The following CDK6 variants were observed in gnomAD, a reference collection of about 807,000 sequenced individuals.
The protein encoded by CDK6 is cyclin-dependent kinase 6.
CDK6 carries 6 observed loss-of-function variants against 37.1 expected under a neutral mutation model. That is an observed-to-expected ratio of 0.16 (90% CI 0.09 to 0.32). The LOEUF is 0.32. Ranked by LOEUF, CDK6 falls within the 10% of genes least tolerant of loss-of-function variation. CDK6 has a pLI of 1.00. For synonymous variants in CDK6, 160 were observed against 161.3 expected, an observed-to-expected ratio of 0.99 and a Z score of 0.06; for missense variants, 224 against 418.9, an observed-to-expected ratio of 0.53 and a Z score of 4.06.
intron 7 of CDK6, among the ~76,000 whole-genome samples, 163 bp from the exon 8 acceptor site, chr7:92,615,449 T>G (rs1488353423): frequency 6.6e-6 from 1 of 152,230 alleles, no homozygotes. Flanking sequence ...AGTACTCATA[T>G]ATATCCCTAA....
chr7:92,825,741 G>T (rs754433896), intron 2 of CDK6, among the ~76,000 whole-genome samples: 22 of 152,240 alleles, frequency 1.4e-4, no homozygotes, highest in Non-Finnish European at 2.9e-4. Flanking sequence ...AAAAATAAAA[G>T]AACTCAAGCA....
At chr7:92,740,223 C>T (rs1798887350) in intron 3 of CDK6, among the ~76,000 whole-genome samples, 1 of 152,218 alleles carries the variant, frequency 6.6e-6, no homozygotes. Flanking sequence ...TTACTATGCT[C>T]TGAGGGTAAC....
rs1171968532 is a variant in CDK6, at chr7:92,604,987, A to G, written c.*10153T>C. 2.2e-5 allele frequency: 5 copies of G among 225,264 alleles called. No homozygotes were observed. Among genetic ancestry groups the G allele is most frequent in the South Asian group, 1.8e-4 (1 of 5,458 alleles). 14.0% of individuals were successfully genotyped at this position (225,264 alleles called of 1,614,324 possible). On this transcript the variant is annotated 3_prime_UTR_variant, in exon 8 of 8. Transcript: ENST00000424848. The stretch of plus-strand genomic sequence containing the variant: ...GTTATACTCATTTTACATTAAAGTA[A>G]AAAAGAAAATAGCCAGGAGAGTAAT...
intron 2 of CDK6, among the ~76,000 whole-genome samples, chr7:92,778,943 A>ATC (rs1755144705): frequency 6.9e-6 from 1 of 144,870 alleles, no homozygotes; most frequent in Admixed American, 6.8e-5. Context: ...ATATATATAT[A>ATC]TATAAGATAT....
chr7:92,804,609 A>G (rs371843871), intron 2 of CDK6, among the ~76,000 whole-genome samples: 2 of 152,274 alleles, frequency 1.3e-5, no homozygotes, highest in East Asian at 3.9e-4. Flanking sequence ...GGTTGGACTT[A>G]TGTGTTTTTT....
intron 5 of CDK6, among the ~76,000 whole-genome samples, chr7:92,647,944 T>C (rs974461133): frequency 6.6e-6 from 1 of 152,236 alleles, no homozygotes; most frequent in Non-Finnish European, 1.5e-5. Context: ...CTTTGGAAGA[T>C]GATAGTGTCT....
intron 2 of CDK6, among the ~76,000 whole-genome samples, chr7:92,828,081 A>G (rs1489768266): frequency 1.3e-5 from 2 of 152,126 alleles, no homozygotes; most frequent in African/African-American, 2.4e-5. Flanking sequence ...AATGAATTCA[A>G]TATTATTAAT....
intron 4 of CDK6, among the ~76,000 whole-genome samples, chr7:92,681,939 A>G (rs1446616232): frequency 2.6e-5 from 4 of 152,146 alleles, no homozygotes; most frequent in Non-Finnish European, 5.9e-5. Context: ...AGTATCTCAA[A>G]TTCAAAATGC....
rs370143064 is a variant in CDK6, at chr7:92,721,417, G to T, written c.537+4209C>A. 1.8e-3 allele frequency among the ~76,000 whole-genome samples: 273 copies of T among 152,288 alleles called. 1 individual carries two copies. The highest frequency in any genetic ancestry group is 6.2e-3 in the African/African-American group (258 of 41,558). On this transcript the variant is annotated intron_variant, in intron 4 of 7. Coordinates refer to ENST00000424848, the MANE Select transcript of CDK6 (RefSeq NM_001145306.2). ...TGAAGGGAGACAAGGCTGGAGTAGGGCCAGTGTAGGCTTCTCTAAAGCATG... is the reference window on the plus strand; with the variant it reads ...TGAAGGGAGACAAGGCTGGAGTAGGTCCAGTGTAGGCTTCTCTAAAGCATG...
At chr7:92,810,824 G>GCA (rs1800861527) in intron 2 of CDK6, among the ~76,000 whole-genome samples, 1 of 152,158 alleles carries the variant, frequency 6.6e-6, no homozygotes, top group South Asian at 2.1e-4. Context: ...TGTAATCCCA[G>GCA]CACTTTGGGA....
rs1185277610 is a variant in CDK6, at chr7:92,608,654, GGA to G, written c.*6484_*6485del. 4.3e-6 allele frequency: 1 copy of G among 231,718 alleles called. No homozygotes were observed. The highest frequency in any genetic ancestry group is 6.1e-5 in the East Asian group (1 of 16,388). The allele number at this position is 231,718 out of a possible 1,614,324, so 14.4% of individuals were successfully genotyped here. ...CGCATCTCTTTTTACCCGAACTTTC[GGA>G]GAATTGTGTTGTACTTATTTATGCA... On this transcript the variant is annotated 3_prime_UTR_variant, in exon 8 of 8. Coordinates refer to ENST00000424848, the MANE Select transcript of CDK6 (RefSeq NM_001145306.2).
intron 3 of CDK6, among the ~76,000 whole-genome samples, chr7:92,763,490 T>G (rs1401175834): frequency 6.6e-6 from 1 of 152,220 alleles, no homozygotes; most frequent in African/African-American, 2.4e-5. Context: ...AAAGGAAAGA[T>G]TTTTGTGTGG....
In CDK6 at chr7:92,609,942, G is replaced by C. The variant is rs1268382355; in HGVS notation, c.*5198C>G. ...CCTAGGTAACAAGTAAAATATTGAA[G>C]TTACAGAACATTATAGAGACTATTA... On this transcript the variant is annotated 3_prime_UTR_variant, in exon 8 of 8. Transcript: ENST00000424848. 2 of 229,786 alleles carry C rather than the reference G, an allele frequency of 8.7e-6. No homozygotes were observed. The highest frequency in any genetic ancestry group is 4.4e-5 in the African/African-American group (2 of 45,138). The allele number at this position is 229,786 out of a possible 1,614,324, so 14.2% of individuals were successfully genotyped here. A position where few individuals can be genotyped will look rare whatever the true frequency, so the allele number is the denominator to read the frequency against.
At chr7:92,671,846 C>T (rs531946126) in intron 4 of CDK6, among the ~76,000 whole-genome samples, 1 of 151,682 alleles carries the variant, frequency 6.6e-6, no homozygotes, top group African/African-American at 2.4e-5. Context: ...TTCTCCCCCC[C>T]TTTAAGGGCC....
chr7:92,705,742 A>T (rs1585414735), intron 4 of CDK6, among the ~76,000 whole-genome samples: 1 of 152,198 alleles, frequency 6.6e-6, no homozygotes, highest in Admixed American at 6.5e-5. Flanking sequence ...GCTTAACTGA[A>T]TCCTGAATTG....
chr7:92,639,648 A>G (rs1796255989), intron 5 of CDK6, among the ~76,000 whole-genome samples: 1 of 152,108 alleles, frequency 6.6e-6, no homozygotes, highest in African/African-American at 2.4e-5. Context: ...CCTTTTCTGT[A>G]AATTTTTTTG....
Position 92,835,975 on chromosome 7 carries a change from G to A in CDK6, c.-368+503C>T, listed in dbSNP as rs1353950328. ...AGCCTGCGTTAACATTTATCTCGTG[G>A]AGGGGAAGGTGGAGCCCACACCCAC... On this transcript the variant is annotated intron_variant, in intron 1 of 7. Coordinates refer to ENST00000424848, the MANE Select transcript of CDK6 (RefSeq NM_001145306.2). The surrounding 1 kb of genome is among the most constrained non-coding windows in gnomAD (Gnocchi z 4.2). Among the ~76,000 whole-genome samples the A allele has an allele frequency of 6.6e-6, 1 of 152,226 alleles. No homozygotes were observed. The highest frequency in any genetic ancestry group is 2.4e-5 in the African/African-American group (1 of 41,456).
chr7:92,781,254 G>C (rs1036230262), intron 2 of CDK6, among the ~76,000 whole-genome samples: 2 of 152,222 alleles, frequency 1.3e-5, no homozygotes, highest in African/African-American at 4.8e-5. Context: ...AAGTTCTCTT[G>C]CTGTCTCTAT....
chr7:92,827,973 C>G (rs1272304642), intron 2 of CDK6, among the ~76,000 whole-genome samples: 1 of 151,928 alleles, frequency 6.6e-6, no homozygotes, highest in Non-Finnish European at 1.5e-5. Context: ...ATTTCATTAA[C>G]CAGAATGTTA....
Sources: gnomAD v4.1 joint callset for allele counts (sites outside exome capture counted in the v4.1 genomes callset) on GRCh38, gnomAD v4.1.1 for gene constraint, Gnocchi (gnomAD v3.1) non-coding constraint, MANE v1.5 for transcripts, NCBI Gene and HGNC (gene_info 2026-07-23, HGNC 2026-07-21) for gene names.